Variants in CDK17 observed in about 807,000 individuals in gnomAD.
CDK17 encodes the protein cyclin dependent kinase 17, also known as cyclin-dependent kinase 17.
In CDK17, 24 loss-of-function variants were observed where a neutral mutation model predicts 77.6. That is an observed-to-expected ratio of 0.31 (90% CI 0.22 to 0.44). The LOEUF (loss-of-function observed/expected upper bound fraction) is 0.44. Ranked by LOEUF, CDK17 falls within the 20% of genes least tolerant of loss-of-function variation. The pLI, the probability that CDK17 is intolerant of heterozygous loss-of-function variation, is 1.00. For missense variants in CDK17, 429 were observed against 622.5 expected, an observed-to-expected ratio of 0.69 and a Z score of 3.31; for synonymous variants, 203 against 210.4, an observed-to-expected ratio of 0.96 and a Z score of 0.30.
intron 3 of CDK17, among the ~76,000 whole-genome samples, chr12:96,315,395 T>C (rs908109327): frequency 2.6e-5 from 4 of 152,186 alleles, no homozygotes; most frequent in African/African-American, 9.7e-5. Flanking sequence ...CAATATGTAA[T>C]CTAAGAATAC....
chr12:96,372,220 T>C (rs970151230), intron 1 of CDK17, among the ~76,000 whole-genome samples: 1 of 152,164 alleles, frequency 6.6e-6, no homozygotes, highest in African/African-American at 2.4e-5. Context: ...CTTGGCAACA[T>C]ATTAAAAATG....
At chr12:96,382,572 G>A (rs1953901311) in intron 1 of CDK17, among the ~76,000 whole-genome samples, 1 of 151,958 alleles carries the variant, frequency 6.6e-6, no homozygotes, top group African/African-American at 2.4e-5. Context: ...GAAAACTTCA[G>A]AACAATATCC....
intron 1 of CDK17, among the ~76,000 whole-genome samples, chr12:96,342,828 TG>T (rs1228551860): frequency 6.6e-6 from 1 of 150,904 alleles, no homozygotes; most frequent in East Asian, 2.0e-4. Flanking sequence ...CTGGGTGTGG[TG>T]GTGCATGCTG....
intron 11 of CDK17, among the ~76,000 whole-genome samples, chr12:96,287,394 T>C (rs1952260566): frequency 1.3e-5 from 2 of 152,136 alleles, no homozygotes; most frequent in South Asian, 4.1e-4. Context: ...ATCCTTCCAT[T>C]AAAGGGCTCG....
At chr12:96,376,683 C>T (rs1469262849) in intron 1 of CDK17, among the ~76,000 whole-genome samples, 5 of 152,124 alleles carry the variant, frequency 3.3e-5, no homozygotes, top group Non-Finnish European at 7.3e-5. Context: ...CACTACTGGC[C>T]AGTTTCTTAA....
At chr12:96,363,198 C>A (rs1953524186) in intron 1 of CDK17, among the ~76,000 whole-genome samples, 1 of 152,126 alleles carries the variant, frequency 6.6e-6, no homozygotes, top group Non-Finnish European at 1.5e-5. Context: ...TGCCTGTAAT[C>A]CCAGCACTTT....
chr12:96,389,781 A>C (rs1412012334), intron 1 of CDK17, among the ~76,000 whole-genome samples: 2 of 152,020 alleles, frequency 1.3e-5, no homozygotes, highest in Non-Finnish European at 2.9e-5. Context: ...AAATAAATTT[A>C]TTACTTATAA....
rs1056957690 is a variant in CDK17, at chr12:96,400,083, G to C, written c.-127C>G. The C allele has an allele frequency of 1.5e-5, 6 of 390,802 alleles. No homozygotes were observed. The highest frequency in any genetic ancestry group is 2.1e-5 in the African/African-American group (1 of 48,224). 24.2% of individuals were successfully genotyped at this position (390,802 alleles called of 1,614,324 possible). A position where few individuals can be genotyped will look rare whatever the true frequency, so the allele number is the denominator to read the frequency against. On this transcript the variant is annotated 5_prime_UTR_variant, in exon 1 of 17. Transcript: ENST00000261211. ...CCGCGGCGACCGGATGCAAGTCCGG[G>C]TCTCAGCGGCCGGCAGACGTGAGGC...
intron 1 of CDK17, among the ~76,000 whole-genome samples, chr12:96,397,502 G>C (rs1034967828): frequency 6.6e-6 from 1 of 152,048 alleles, no homozygotes; most frequent in Admixed American, 6.5e-5. Context: ...TGAATCTAAG[G>C]ATGAGAATGA....
intron 1 of CDK17, among the ~76,000 whole-genome samples, chr12:96,362,575 C>T (rs1437263426): frequency 6.6e-6 from 1 of 152,088 alleles, no homozygotes; most frequent in Non-Finnish European, 1.5e-5. Flanking sequence ...AGAGGATTCT[C>T]TAATATCCTA....
intron 2 of CDK17, among the ~76,000 whole-genome samples, chr12:96,334,435 T>C (rs1953013047): frequency 6.6e-6 from 1 of 152,190 alleles, no homozygotes; most frequent in Admixed American, 6.5e-5. Context: ...GATAATATTA[T>C]AAAATGCATT....
chr12:96,341,785 A>C (rs1953126066), intron 1 of CDK17, among the ~76,000 whole-genome samples: 1 of 152,180 alleles, frequency 6.6e-6, no homozygotes, highest in Non-Finnish European at 1.5e-5. Flanking sequence ...ATGAGTCTTT[A>C]CTTGTAAAAA....
intron 5 of CDK17, among the ~76,000 whole-genome samples, chr12:96,309,694 T>C (rs1952621673): frequency 6.6e-6 from 1 of 151,086 alleles, no homozygotes; most frequent in Non-Finnish European, 1.5e-5. Flanking sequence ...CAAAAGAGAG[T>C]ATCTAAATAT....
At chr12:96,399,066 C>G (rs561710520) in intron 1 of CDK17, 87 of 152,226 alleles carry the variant, frequency 5.7e-4, no homozygotes, top group African/African-American at 2.1e-3. Flanking sequence ...CAAATGTTCC[C>G]CAAGCTGAAA....
intron 1 of CDK17, among the ~76,000 whole-genome samples, chr12:96,368,221 T>A (rs1953620100): frequency 6.6e-6 from 1 of 152,212 alleles, no homozygotes; most frequent in Non-Finnish European, 1.5e-5. Context: ...GTATTCTGAA[T>A]CTACCTAAGT....
chr12:96,363,944 A>T (rs1485717156), intron 1 of CDK17, among the ~76,000 whole-genome samples: 8 of 152,248 alleles, frequency 5.3e-5, no homozygotes, highest in African/African-American at 1.9e-4. Flanking sequence ...TAGCCCCATT[A>T]GCAACTTCTG....
chr12:96,314,258 C>T (rs1952678484), intron 3 of CDK17, among the ~76,000 whole-genome samples: 1 of 152,186 alleles, frequency 6.6e-6, no homozygotes, highest in Non-Finnish European at 1.5e-5. Flanking sequence ...AGTGCAGTGA[C>T]ACAACCATGG....
chr12:96,324,724 G>A (rs564800642), intron 2 of CDK17, among the ~76,000 whole-genome samples: 17 of 151,590 alleles, frequency 1.1e-4, no homozygotes, highest in South Asian at 2.1e-4. Flanking sequence ...CCAAGATCAC[G>A]CCACTGCACT....
At chr12:96,305,128 CTTT>C (rs1466186185) in intron 5 of CDK17, among the ~76,000 whole-genome samples, 5 of 152,304 alleles carry the variant, frequency 3.3e-5, no homozygotes, top group African/African-American at 1.2e-4. Context: ...TACATATAGG[CTTT>C]GCCACTATTC....
Sources: allele counts gnomAD v4.1 joint callset (sites outside exome capture counted in the v4.1 genomes callset), GRCh38; gene constraint gnomAD v4.1.1; transcripts MANE v1.5; gene names NCBI Gene and HGNC (gene_info 2026-07-23, HGNC 2026-07-21).